The following CACNA1E variants were observed in gnomAD, a reference collection of about 807,000 sequenced individuals.
CACNA1E encodes voltage-dependent R-type calcium channel subunit alpha-1E.
CACNA1E carries 40 observed loss-of-function variants against 259.2 expected under a neutral mutation model. The ratio of observed to expected loss-of-function variants is 0.15; its 90% CI spans 0.12 to 0.20. The LOEUF is 0.20. Among genes scored for constraint, CACNA1E ranks in the 10% least tolerant of loss-of-function variants. The pLI is 1.00. For missense variants in CACNA1E, 1,874 were observed against 3,040.1 expected (o/e 0.62, Z 9.02); for synonymous variants, 1,104 against 1,138.5 (o/e 0.97, Z 0.61).
intron 2 of CACNA1E, among the ~76,000 whole-genome samples, chr1:181,454,802 C>T (rs1661359946): frequency 6.6e-6 from 1 of 152,164 alleles, no homozygotes; most frequent in Admixed American, 6.5e-5. Flanking sequence ...GGTATTTATT[C>T]CACATGTACT....
chr1:181,370,908 C>T (rs576141899), intron 1 of CACNA1E, among the ~76,000 whole-genome samples: 11 of 152,258 alleles, frequency 7.2e-5, no homozygotes, highest in African/African-American at 2.6e-4. Flanking sequence ...ATAAGTATTC[C>T]CTTTTCTCCA....
chr1:181,388,620 G>A (rs1656028775), intron 1 of CACNA1E, among the ~76,000 whole-genome samples: 2 of 152,174 alleles, frequency 1.3e-5, no homozygotes, highest in Non-Finnish European at 2.9e-5. Flanking sequence ...CGGGCACGGT[G>A]ACTCACGCTT....
chr1:181,367,518 G>A (rs887680925), intron 1 of CACNA1E, among the ~76,000 whole-genome samples: 4 of 149,208 alleles, frequency 2.7e-5, no homozygotes, highest in South Asian at 2.1e-4. Flanking sequence ...CTTTCCAGAC[G>A]AACTTGATTT....
intron 6 of CACNA1E, among the ~76,000 whole-genome samples, chr1:181,592,400 C>G (rs1652745280): frequency 6.6e-6 from 1 of 150,768 alleles, no homozygotes; most frequent in South Asian, 2.1e-4. Flanking sequence ...AGGTTCTGCT[C>G]TCAGAGTGAG....
chr1:181,531,547 T>A (rs1667780992), intron 3 of CACNA1E, among the ~76,000 whole-genome samples: 1 of 152,208 alleles, frequency 6.6e-6, no homozygotes, highest in South Asian at 2.1e-4. Context: ...TGTGCAAACC[T>A]GTCCATGGAG....
intron 3 of CACNA1E, among the ~76,000 whole-genome samples, chr1:181,545,739 A>G (rs182465240): frequency 1.2e-3 from 181 of 152,304 alleles, no homozygotes; most frequent in Non-Finnish European, 2.1e-3. Flanking sequence ...TTTGATCACA[A>G]TAGTTGTCGC....
At chr1:181,543,933 T>A (rs1490817198) in intron 3 of CACNA1E, among the ~76,000 whole-genome samples, 1 of 152,202 alleles carries the variant, frequency 6.6e-6, no homozygotes, top group African/African-American at 2.4e-5. Context: ...CCTTAAAATG[T>A]TAAACATGGA....
chr1:181,734,139 C>T (rs959179664), intron 21 of CACNA1E, among the ~76,000 whole-genome samples: 3 of 152,102 alleles, frequency 2.0e-5, no homozygotes, highest in African/African-American at 4.8e-5. Flanking sequence ...CATGGCTCTG[C>T]TCACTGAGTG....
In CACNA1E at chr1:181,545,695, A is replaced by G. The variant is rs140239127; in HGVS notation, c.513-32071A>G. Among the ~76,000 whole-genome samples the G allele has an allele frequency of 8.5e-5, 13 of 152,266 alleles. No homozygotes were observed. In the East Asian group the frequency reaches 2.1e-3, roughly 25 times the overall value. ...CAGTCTGTCTGCTTTACCCTGATGG[A>G]CTTCTGTTCAGGGAGTTTGGGTGAA... is the stretch of plus-strand genomic sequence containing the variant. On this transcript the variant is annotated intron_variant, in intron 3 of 47. Transcript: ENST00000367573.
At chr1:181,354,241 A>G (rs1653256590) in intron 1 of CACNA1E, among the ~76,000 whole-genome samples, 1 of 151,596 alleles carries the variant, frequency 6.6e-6, no homozygotes, top group South Asian at 2.1e-4. Context: ...ACCAATATGT[A>G]TCGGGTACCC....
At position 181,733,696 on chromosome 1, in the gene CACNA1E, G is replaced by T; in HGVS notation, c.3208G>T (p.Val1070Phe). ...CAAGGCCACCACCGAGAGCACCAGC[G>T]TCACCGTCGCCATCCCCGACGTGGA... ...TDKATTESTS[V>F]TVAIPDVDPL... The change falls in exon 21 of 48, where the codon GTC becomes TTC. Residue 1070 changes from valine to phenylalanine, a missense_variant. Physicochemically the swap from Val to Phe is conservative, Grantham distance 50. Coordinates refer to ENST00000367573, the MANE Select transcript of CACNA1E (RefSeq NM_001205293.3). 1 of 1,596,816 alleles carries T rather than the reference G, an allele frequency of 6.3e-7. No individual in the cohort carries two copies. The highest frequency in any genetic ancestry group is 8.5e-7 in the Non-Finnish European group (1 of 1,171,666).
At chr1:181,795,683 G>A (rs1030518797) in intron 46 of CACNA1E, among the ~76,000 whole-genome samples, 16 of 150,930 alleles carry the variant, frequency 1.1e-4, no homozygotes, top group South Asian at 2.1e-4. Context: ...CTCATGATCC[G>A]CCCGCGTAGG....
chr1:181,739,365 C>G (rs750526537), intron 25 of CACNA1E, 112 bp downstream of exon 25: 6 of 783,706 alleles, frequency 7.7e-6, no homozygotes, highest in Non-Finnish European at 1.1e-5. Flanking sequence ...CAAAGAATGC[C>G]CCCGCTGGAA....
intron 1 of CACNA1E, among the ~76,000 whole-genome samples, chr1:181,384,104 T>C (rs907973943): frequency 4.6e-5 from 7 of 152,224 alleles, no homozygotes; most frequent in African/African-American, 1.7e-4. Flanking sequence ...GGCTGCCACA[T>C]TGGGCACCAC....
intron 6 of CACNA1E, among the ~76,000 whole-genome samples, chr1:181,612,321 A>G (rs1409139001): frequency 6.6e-6 from 1 of 152,076 alleles, no homozygotes; most frequent in Non-Finnish European, 1.5e-5. Flanking sequence ...GCTCTGATCC[A>G]TCTTCCAATC....
chr1:181,510,081 G>A (rs1002442865), intron 1 of CACNA1E, among the ~76,000 whole-genome samples: 1 of 152,210 alleles, frequency 6.6e-6, no homozygotes, highest in African/African-American at 2.4e-5. Flanking sequence ...GAAGACTGGG[G>A]AGAACAAGGG....
chr1:181,536,914 G>A (rs80143454), intron 3 of CACNA1E, among the ~76,000 whole-genome samples: 2,563 of 151,944 alleles, frequency 0.017, 29 homozygotes, highest in Admixed American at 0.029. Flanking sequence ...AAGGAGGAGG[G>A]TTAAAGTGAG....
chr1:181,731,746 C>T (rs969429072), intron 19 of CACNA1E, among the ~76,000 whole-genome samples: 13 of 152,050 alleles, frequency 8.5e-5, no homozygotes, highest in East Asian at 1.9e-4. Flanking sequence ...CTGAAATGCT[C>T]GATCGCAGTT....
At chr1:181,445,798 C>T (rs188054025) in intron 2 of CACNA1E, among the ~76,000 whole-genome samples, 3 of 152,302 alleles carry the variant, frequency 2.0e-5, no homozygotes, top group Admixed American at 1.3e-4. Flanking sequence ...GCAGTAAGAT[C>T]ATTCAGATTC....
Sources: allele counts gnomAD v4.1 joint callset (sites outside exome capture counted in the v4.1 genomes callset), GRCh38; gene constraint gnomAD v4.1.1; transcripts MANE v1.5; gene names NCBI Gene and HGNC (gene_info 2026-07-23, HGNC 2026-07-21).